The following STK32B variants were observed in gnomAD, a reference collection of about 807,000 sequenced individuals.
The protein encoded by STK32B is serine/threonine-protein kinase 32B.
A neutral mutation model predicts 52.6 loss-of-function variants in STK32B; 43 were observed. The observed-to-expected ratio is 0.82, with a 90% CI of 0.64 to 1.05. STK32B has a LOEUF of 1.05. Among genes scored for constraint, STK32B ranks in the 50% least tolerant of loss-of-function variants. STK32B has a pLI of 0.00. For synonymous variants in STK32B, 238 were observed against 204.3 expected (o/e 1.17, Z -1.41); for missense variants, 621 against 534.6 (o/e 1.16, Z -1.59).
Position 5,159,711 on chromosome 4 carries a change from ATATATGAATG to A in STK32B, c.109-8578_109-8569del, listed in dbSNP as rs1467179594. Among the ~76,000 whole-genome samples, 7 of 109,624 alleles carry A rather than the reference ATATATGAATG, an allele frequency of 6.4e-5. 1 individual carries two copies. Among genetic ancestry groups the A allele is most frequent in the African/African-American group, 1.2e-4 (2 of 17,038 alleles). The allele number at this position is 109,624 out of a possible 152,430, so 71.9% of individuals were successfully genotyped here. A position where few individuals can be genotyped will look rare whatever the true frequency, so the allele number is the denominator to read the frequency against. On this transcript the variant is annotated intron_variant, in intron 2 of 11. Coordinates refer to ENST00000282908, the MANE Select transcript of STK32B (RefSeq NM_018401.3). ...AATATATATGAATATATATGAATAT[ATATATGAATG>A]TATATGAATATATATATGAATATAT...
chr4:5,252,261 G>A (rs1219859849), intron 3 of STK32B, among the ~76,000 whole-genome samples: 1 of 152,164 alleles, frequency 6.6e-6, no homozygotes, highest in African/African-American at 2.4e-5. Flanking sequence ...GCATTATTCA[G>A]TGGCTCTCCA....
intron 6 of STK32B, among the ~76,000 whole-genome samples, chr4:5,428,755 C>T (rs1327921938): frequency 6.6e-6 from 1 of 152,056 alleles, no homozygotes; most frequent in Non-Finnish European, 1.5e-5. Flanking sequence ...GTTGGAATTC[C>T]CAGCTATGAT....
chr4:5,248,678 A>T (rs1314131140), intron 3 of STK32B, among the ~76,000 whole-genome samples: 2 of 152,192 alleles, frequency 1.3e-5, no homozygotes, highest in African/African-American at 4.8e-5. Flanking sequence ...AACCAACCCA[A>T]ATGTCCATCA....
intron 3 of STK32B, among the ~76,000 whole-genome samples, chr4:5,319,729 G>A (rs2108935716): frequency 6.6e-6 from 1 of 152,280 alleles, no homozygotes; most frequent in Admixed American, 6.5e-5. Flanking sequence ...TGTTAGTTCA[G>A]AAGAAAGAGA....
the STK32B span, among the ~76,000 whole-genome samples, chr4:5,028,111 G>A: frequency 2.0e-5 from 3 of 152,200 alleles, no homozygotes; most frequent in East Asian, 1.9e-4. Context: ...CAGAGTGCTC[G>A]GTGCGGAGCT....
intron 3 of STK32B, among the ~76,000 whole-genome samples, chr4:5,216,351 A>G (rs2108791532): frequency 6.6e-6 from 1 of 152,308 alleles, no homozygotes; most frequent in South Asian, 2.1e-4. Context: ...AAACAGACAC[A>G]GCAGACACAG....
At chr4:5,050,210 G>A (rs1029333665), upstream of STK32B, among the ~76,000 whole-genome samples, 10 of 152,128 alleles carry the variant, frequency 6.6e-5, no homozygotes, top group South Asian at 2.1e-4. Flanking sequence ...ATTATATGCC[G>A]GGCACTGTTG....
At chr4:5,474,431 A>G (rs1404335929) in intron 11 of STK32B, among the ~76,000 whole-genome samples, 1 of 152,194 alleles carries the variant, frequency 6.6e-6, no homozygotes, top group Non-Finnish European at 1.5e-5. Context: ...TGACTTTACC[A>G]AGGTCTGTGC....
the STK32B span, among the ~76,000 whole-genome samples, chr4:5,042,781 A>G: frequency 3.3e-5 from 5 of 152,186 alleles, no homozygotes; most frequent in African/African-American, 9.6e-5. Flanking sequence ...ACAAAAAGCA[A>G]TAGAGTAGCC....
rs527358048 is a variant in STK32B at position 5,408,589 on chromosome 4, C to A, written c.473-8256C>A. 6.6e-5 allele frequency among the ~76,000 whole-genome samples: 10 copies of A among 152,206 alleles called. No individual in the cohort carries two copies. The South Asian group carries it at 2.1e-3, about 32-fold the overall frequency. ...GCAATGCGAGAACAAACTAATGCAC[C>A]CTCCTCGTGGAAATTGAAAGTGAAG... On this transcript the variant is annotated intron_variant, in intron 5 of 11. Coordinates refer to ENST00000282908, the MANE Select transcript of STK32B (RefSeq NM_018401.3).
At chr4:5,130,097 C>G (rs143377898) in intron 1 of STK32B, among the ~76,000 whole-genome samples, 1 of 151,356 alleles carries the variant, frequency 6.6e-6, no homozygotes, top group Non-Finnish European at 1.5e-5. Flanking sequence ...ACAAAAGAAA[C>G]GGCAGTGAGG....
chr4:5,291,661 C>G (rs947751018), intron 3 of STK32B, among the ~76,000 whole-genome samples: 2 of 152,040 alleles, frequency 1.3e-5, no homozygotes, highest in East Asian at 3.9e-4. Context: ...CCTATTTTCC[C>G]TGACTATAGC....
chr4:5,364,435 A>G lies in STK32B; in HGVS notation c.434+33042A>G, dbSNP rs180844442. On this transcript the variant is annotated intron_variant, in intron 4 of 11. Coordinates refer to ENST00000282908, the MANE Select transcript of STK32B (RefSeq NM_018401.3). Reference sequence around the variant, plus strand: ...ACATGCACTCTTCAGTGGGCTGGCAACATGCCTGCCAGCAAACCCCCACTG... The same window carrying G: ...ACATGCACTCTTCAGTGGGCTGGCAGCATGCCTGCCAGCAAACCCCCACTG... Among the ~76,000 whole-genome samples, 7 of 152,358 alleles carry G rather than the reference A, an allele frequency of 4.6e-5. No homozygotes were observed. In the East Asian group the frequency reaches 1.2e-3, roughly 25 times the overall value.
Position 5,051,694 on chromosome 4 carries a change from A to AG in STK32B, c.-165dup, listed in dbSNP as rs902168432. The stretch of plus-strand genomic sequence containing the variant: ...CGCAGTCGGAAGGGCGTCCAGGAGA[A>AG]GGGGGACGCCGTCCCCGCCCCTGCA... On this transcript the variant is annotated 5_prime_UTR_variant, in exon 1 of 12. Coordinates refer to ENST00000282908, the MANE Select transcript of STK32B (RefSeq NM_018401.3). The AG allele has an allele frequency of 1.3e-6, 1 of 755,088 alleles. No homozygotes were observed. The highest frequency in any genetic ancestry group is 3.7e-5 in the Admixed American group (1 of 26,784). The allele number at this position is 755,088 out of a possible 1,614,324, so 46.8% of individuals were successfully genotyped here.
chr4:5,072,342 C>T (rs187108028), intron 1 of STK32B, among the ~76,000 whole-genome samples: 13 of 152,208 alleles, frequency 8.5e-5, no homozygotes, highest in Admixed American at 5.9e-4. Flanking sequence ...TCTTCCTATC[C>T]CTAAATGTAC....
chr4:5,139,394 A>C (rs1268557472), intron 1 of STK32B, among the ~76,000 whole-genome samples: 1 of 152,208 alleles, frequency 6.6e-6, no homozygotes, highest in Non-Finnish European at 1.5e-5. Flanking sequence ...TTAGGTGGTC[A>C]TTGCAGCCTT....
intron 11 of STK32B, among the ~76,000 whole-genome samples, chr4:5,487,720 G>C (rs1223235165): frequency 6.6e-6 from 1 of 152,174 alleles, no homozygotes; most frequent in Non-Finnish European, 1.5e-5. Flanking sequence ...GAAAAAGGTA[G>C]CATCGAGGAG....
chr4:5,455,755 C>A (rs537581514), intron 7 of STK32B, among the ~76,000 whole-genome samples: 10 of 152,222 alleles, frequency 6.6e-5, no homozygotes, highest in African/African-American at 2.4e-4. Context: ...ACTACTGGGG[C>A]CCCGAGAACA....
intron 11 of STK32B, among the ~76,000 whole-genome samples, chr4:5,473,114 A>G (rs1374978361): frequency 1.3e-5 from 2 of 152,224 alleles, no homozygotes; most frequent in East Asian, 1.9e-4. Flanking sequence ...AGGTCTTGCA[A>G]TATGAAGAAC....
Sources: allele counts gnomAD v4.1 joint callset (sites outside exome capture counted in the v4.1 genomes callset), GRCh38; gene constraint gnomAD v4.1.1; transcripts MANE v1.5; gene names NCBI Gene and HGNC (gene_info 2026-07-23, HGNC 2026-07-21).